Variants in GRAMD1A observed in about 807,000 individuals in gnomAD.
GRAMD1A encodes protein Aster-A.
A neutral mutation model predicts 92.0 loss-of-function variants in GRAMD1A; 50 were observed. The observed-to-expected ratio is 0.54, with a 90% CI of 0.43 to 0.69. The LOEUF (loss-of-function observed/expected upper bound fraction) is 0.69. Among genes scored for constraint, GRAMD1A ranks in the 30% least tolerant of loss-of-function variants. The pLI, the probability that GRAMD1A is intolerant of heterozygous loss-of-function variation, is 0.00. For synonymous variants in GRAMD1A, 405 were observed against 403.6 expected (o/e 1.00, Z -0.04); for missense variants, 819 against 978.9 (o/e 0.84, Z 2.18).
intron 11 of GRAMD1A, among the ~76,000 whole-genome samples, chr19:35,016,798 A>G (rs1052020563): frequency 6.7e-6 from 1 of 150,324 alleles, no homozygotes; most frequent in African/African-American, 2.5e-5. Context: ...CCAGCTACTC[A>G]GGAGGCTAAG....
upstream of GRAMD1A, chr19:34,999,515 G>A (rs1284409430): frequency 6.6e-6 from 1 of 152,180 alleles, no homozygotes; most frequent in East Asian, 1.9e-4. Context: ...ACGGGGCGGG[G>A]GAGGGGGGAC....
chr19:35,022,758 G>A, intron 16 of GRAMD1A, 142 bp from the exon 17 acceptor site: 2 of 667,000 alleles, frequency 3.0e-6, no homozygotes, highest in Non-Finnish European at 4.5e-6. Flanking sequence ...CTCAGCCTCT[G>A]AGCCTCAGCT....
At chr19:35,003,143 CGTGTGTGTGTGTGT>C (rs60437273) in intron 1 of GRAMD1A, among the ~76,000 whole-genome samples, 18,008 of 141,114 alleles carry the variant, frequency 0.13, 1,277 homozygotes, top group Middle Eastern at 0.22. Flanking sequence ...TTGCTCTGTG[CGTGTGTGTGTGTGT>C]GTGTGTGTGT....
At chr19:35,022,694 C>CTGG (rs879919880) in intron 16 of GRAMD1A, among the ~76,000 whole-genome samples, 1 of 152,274 alleles carries the variant, frequency 6.6e-6, no homozygotes, top group East Asian at 1.9e-4. Context: ...GAAACAGAAG[C>CTGG]AGGATCCCGG....
chr19:34,999,716 T>C (rs1487223185), upstream of GRAMD1A, among the ~76,000 whole-genome samples: 1 of 152,176 alleles, frequency 6.6e-6, no homozygotes, highest in Non-Finnish European at 1.5e-5. Context: ...ACTGGGGTGA[T>C]GAGCGCAAGG....
upstream of GRAMD1A, chr19:34,996,019 C>G: frequency 6.5e-7 from 1 of 1,532,294 alleles, no homozygotes; most frequent in Non-Finnish European, 8.7e-7. Context: ...TCCAGACCCT[C>G]TCCATGGATG....
At position 35,000,450 on chromosome 19, in the gene GRAMD1A, G is replaced by GCCCTGCCCTGCC. The variant is rs764530476; in HGVS notation, c.-26_-25insTGCCCTGCCCCC. On this transcript the variant is annotated 5_prime_UTR_variant, in exon 1 of 20. Coordinates refer to ENST00000317991, the MANE Select transcript of GRAMD1A (RefSeq NM_020895.5). This position sits in a 1 kb window ranked among gnomAD's most constrained non-coding sequence, Gnocchi z 4.9. ...CCTGCCCTGCCCTGCCCTGCCCTGC[G>GCCCTGCCCTGCC]CCCGGGGCGCGCCCACCGCGCCGCA... 2.3e-5 allele frequency: 15 copies of GCCCTGCCCTGCC among 643,016 alleles called. No homozygotes were observed. The South Asian group carries it at 7.0e-4, about 30-fold the overall frequency. 39.8% of individuals were successfully genotyped at this position (643,016 alleles called of 1,614,324 possible).
chr19:35,016,169 A>G (rs59344976), intron 11 of GRAMD1A, among the ~76,000 whole-genome samples: 45,105 of 152,122 alleles, frequency 0.3, 6,903 homozygotes, highest in Middle Eastern at 0.44. Flanking sequence ...TCTGTGCCTC[A>G]GTTTCTCCTT....
In GRAMD1A at chr19:35,011,495, G is replaced by T; in HGVS notation, c.547G>T (p.Ala183Ser). ...SEKHFFTSFG[A>S]RDRCFLLIFR... The stretch of plus-strand genomic sequence containing the variant: ...ACAGCATTTCTTCACTTCCTTTGGG[G>T]CCCGTGACCGCTGCTTCCTCCTCAT... The change falls in exon 7 of 20, where the codon GCC becomes TCC. Residue 183 changes from alanine (A) to serine (S), a missense_variant. Transcript: ENST00000317991. 6.2e-7 allele frequency: 1 copy of T among 1,611,164 alleles called. No homozygotes were observed. Among genetic ancestry groups the T allele is most frequent in the South Asian group, 1.1e-5 (1 of 91,054 alleles).
chr19:34,997,549 A>G (rs1284027378), upstream of GRAMD1A, among the ~76,000 whole-genome samples: 1 of 152,238 alleles, frequency 6.6e-6, no homozygotes, highest in Non-Finnish European at 1.5e-5. Flanking sequence ...TGAATAGAAC[A>G]AGCAGCCACT....
chr19:35,008,329 T>A (rs1426585812), intron 1 of GRAMD1A, among the ~76,000 whole-genome samples: 3 of 151,634 alleles, frequency 2.0e-5, no homozygotes, highest in Admixed American at 2.0e-4. Context: ...AGATTCCGTC[T>A]TAAAATAAAA....
At chr19:34,997,094 A>G (rs953187671), upstream of GRAMD1A, among the ~76,000 whole-genome samples, 13 of 151,852 alleles carry the variant, frequency 8.6e-5, no homozygotes, top group Admixed American at 2.6e-4. Context: ...TTGTATTTTT[A>G]GTAGAGACGA....
Position 35,026,216 on chromosome 19 carries a change from G to A in GRAMD1A, c.*75G>A. On this transcript the variant is annotated 3_prime_UTR_variant, in exon 20 of 20. Coordinates refer to ENST00000317991, the MANE Select transcript of GRAMD1A (RefSeq NM_020895.5). The stretch of plus-strand genomic sequence containing the variant: ...AGCCTCGGCGGCCACTGCTGGCACG[G>A]TGTGAGCGCCAGGCATCTCCCACCC... 1 of 803,206 alleles carries A rather than the reference G, an allele frequency of 1.2e-6. No homozygotes were observed. The highest frequency in any genetic ancestry group is 2.2e-6 in the Non-Finnish European group (1 of 464,690). The allele number at this position is 803,206 out of a possible 1,614,324, so 49.8% of individuals were successfully genotyped here.
At chr19:34,996,995 T>A (rs547539838), upstream of GRAMD1A, among the ~76,000 whole-genome samples, 1 of 152,078 alleles carries the variant, frequency 6.6e-6, no homozygotes, top group Non-Finnish European at 1.5e-5. Context: ...TGCAGTGGCA[T>A]GATCTTGGCT....
chr19:35,010,220 CA>C, intron 5 of GRAMD1A, 25 bp downstream of exon 5: 3 of 1,596,900 alleles, frequency 1.9e-6, no homozygotes, highest in Non-Finnish European at 2.6e-6. Flanking sequence ...GGGCAGGGTA[CA>C]GGGGCGGGGG....
At chr19:34,999,204 C>A (rs1175256721), upstream of GRAMD1A, among the ~76,000 whole-genome samples, 4 of 151,976 alleles carry the variant, frequency 2.6e-5, no homozygotes, top group African/African-American at 7.3e-5. Flanking sequence ...TGATTTTATA[C>A]GTGGAGCCCA....
chr19:34,996,370 T>C, upstream of GRAMD1A: 1 of 1,179,042 alleles, frequency 8.5e-7, no homozygotes, highest in South Asian at 1.6e-5. Flanking sequence ...GGGTTCCTTG[T>C]GGCTGCGGGT....
intron 13 of GRAMD1A, among the ~76,000 whole-genome samples, chr19:35,020,106 C>T (rs2151730968): frequency 6.6e-6 from 1 of 152,222 alleles, no homozygotes; most frequent in East Asian, 1.9e-4. Flanking sequence ...AAGTGGTGAA[C>T]CGGGGCCCGG....
chr19:35,011,423 C>A, intron 6 of GRAMD1A, 51 bp from the exon 7 acceptor site: 1 of 1,405,006 alleles, frequency 7.1e-7, no homozygotes, highest in East Asian at 2.3e-5. Context: ...CACCTCTGTC[C>A]TGGTCGCTCC....
Sources: allele counts gnomAD v4.1 joint callset (sites outside exome capture counted in the v4.1 genomes callset), GRCh38; gene constraint gnomAD v4.1.1; non-coding constraint Gnocchi (gnomAD v3.1); transcripts MANE v1.5; gene names NCBI Gene and HGNC (gene_info 2026-07-23, HGNC 2026-07-21).